PLEKHH2: variants seen among roughly 807,000 people sequenced by gnomAD.
PLEKHH2 encodes the protein pleckstrin homology, MyTH4 and FERM domain containing H2, also known as pleckstrin homology domain-containing family H member 2.
In PLEKHH2, 129 loss-of-function variants were observed where a neutral mutation model predicts 187.9. The observed-to-expected ratio is 0.69, with a 90% CI of 0.59 to 0.79. The LOEUF (loss-of-function observed/expected upper bound fraction) is 0.79. Among genes scored for constraint, PLEKHH2 ranks in the 30% least tolerant of loss-of-function variants. PLEKHH2 has a pLI of 0.00. For synonymous variants in PLEKHH2, 686 were observed against 605.6 expected (o/e 1.13, Z -1.95); for missense variants, 2,076 against 1,751.2 (o/e 1.19, Z -3.31).
intron 23 of PLEKHH2, among the ~76,000 whole-genome samples, chr2:43,745,417 G>A (rs938763150): frequency 1.7e-4 from 26 of 152,182 alleles, no homozygotes; most frequent in African/African-American, 6.0e-4. Context: ...CCTAGAGAGG[G>A]AAATGAGTTA....
intron 2 of PLEKHH2, among the ~76,000 whole-genome samples, chr2:43,677,085 G>A (rs1172088518): frequency 4.6e-5 from 7 of 152,074 alleles, no homozygotes; most frequent in African/African-American, 4.8e-5. Flanking sequence ...TAAAAGTATC[G>A]AAACTCTGGC....
chr2:43,709,787 G>A (rs533817987), intron 11 of PLEKHH2, among the ~76,000 whole-genome samples: 9 of 152,302 alleles, frequency 5.9e-5, no homozygotes, highest in African/African-American at 2.2e-4. Flanking sequence ...AGTGAGCCGA[G>A]ATTGTGCCAG....
At chr2:43,674,724 C>A (rs543512826) in intron 2 of PLEKHH2, among the ~76,000 whole-genome samples, 69 of 152,166 alleles carry the variant, frequency 4.5e-4, no homozygotes, top group Non-Finnish European at 8.8e-4. Context: ...GTGGGTCATG[C>A]CTGTAATCTC....
chr2:43,720,807 A>C, intron 16 of PLEKHH2, 58 bp downstream of exon 16: 1 of 1,537,438 alleles, frequency 6.5e-7, no homozygotes. Context: ...TAGGGCTTAA[A>C]CTTTTCCTTT....
rs1417235529 is a variant in PLEKHH2, at chr2:43,733,219, C to T, written c.2943+1617C>T. 3.9e-5 allele frequency among the ~76,000 whole-genome samples: 6 copies of T among 151,994 alleles called. No homozygotes were observed. The South Asian group carries it at 1.0e-3, about 26-fold the overall frequency. On this transcript the variant is annotated intron_variant, in intron 19 of 29. Transcript: ENST00000282406. ...CTACTTAAAAAATACAAAAATTAGC[C>T]GAGTGTGATGGCATGCGCCTATAGT... is the stretch of plus-strand genomic sequence containing the variant.
At chr2:43,744,620 C>T (rs767742101) in intron 23 of PLEKHH2, among the ~76,000 whole-genome samples, 5 of 152,130 alleles carry the variant, frequency 3.3e-5, no homozygotes, top group African/African-American at 4.8e-5. Flanking sequence ...GTAATCCAAG[C>T]ACTTTGGGAG....
intron 3 of PLEKHH2, among the ~76,000 whole-genome samples, chr2:43,686,556 C>T (rs1457100451): frequency 1.3e-5 from 2 of 152,192 alleles, no homozygotes; most frequent in Non-Finnish European, 2.9e-5. Flanking sequence ...TATCCATGAC[C>T]TTGTAATGGA....
chr2:43,683,719 C>T (rs1005583951), intron 3 of PLEKHH2, among the ~76,000 whole-genome samples: 1 of 151,764 alleles, frequency 6.6e-6, no homozygotes. Context: ...TTTTTCAAGA[C>T]TACTTCTTGG....
intron 8 of PLEKHH2, 33 bp downstream of exon 8, chr2:43,700,641 G>A: frequency 1.3e-6 from 2 of 1,559,458 alleles, no homozygotes; most frequent in African/African-American, 2.7e-5. Flanking sequence ...CACATACGCA[G>A]TAGTTTTTTT....
At position 43,644,743 on chromosome 2, in the gene PLEKHH2, C is replaced by T. The variant is rs749004780; in HGVS notation, c.70C>T (p.Leu24Phe). Residue 24 changes from leucine (L) to phenylalanine (F), a missense_variant, in exon 2 of 30, where the codon CTC (leucine) becomes TTC (phenylalanine). Transcript: ENST00000282406. ...KERCVALESQLMKFRVQASKI... is the reference protein window; with the variant it reads ...KERCVALESQFMKFRVQASKI... ...ACGATGTGTAGCTCTGGAGTCCCAA[C>T]TCATGAAATTTAGAGTTCAAGCAAG... The T allele has an allele frequency of 6.2e-7, 1 of 1,610,094 alleles. No homozygotes were observed. Among genetic ancestry groups the T allele is most frequent in the Non-Finnish European group, 8.5e-7 (1 of 1,177,222 alleles).
chr2:43,696,336 C>A (rs1669089616), intron 6 of PLEKHH2, among the ~76,000 whole-genome samples: 1 of 151,696 alleles, frequency 6.6e-6, no homozygotes, highest in Non-Finnish European at 1.5e-5. Context: ...AATTAGCTGG[C>A]CATGGTGGCA....
At position 43,700,429 on chromosome 2, in the gene PLEKHH2, CT is replaced by C; in HGVS notation, c.1472del (p.Leu491GlnfsTer10). Reference sequence around the variant, plus strand: ...GAGACCTCAGGAAACTGATCTTGATCTAGTTGATGGAGACAGTACAGAAGTT... The same window carrying C: ...GAGACCTCAGGAAACTGATCTTGATCAGTTGATGGAGACAGTACAGAAGTT... ...PLRPQETDLDLVDGDSTEVLE... is the reference protein window; with the variant it reads ...PLRPQETDLDXVDGDSTEVLE... On this transcript the variant is annotated frameshift_variant, in exon 8 of 30. Coordinates refer to ENST00000282406, the MANE Select transcript of PLEKHH2 (RefSeq NM_172069.4). LOFTEE classifies it high-confidence loss of function. The C allele has an allele frequency of 6.2e-7, 1 of 1,613,930 alleles. No homozygotes were observed. The highest frequency in any genetic ancestry group is 8.5e-7 in the Non-Finnish European group (1 of 1,179,940).
intron 9 of PLEKHH2, among the ~76,000 whole-genome samples, chr2:43,705,288 CTCTGTCACCCAGGTGGGAGTG>C (rs1184498007): frequency 8.7e-6 from 1 of 115,252 alleles, no homozygotes; most frequent in Non-Finnish European, 1.7e-5. Flanking sequence ...CAGCGTCTTA[CTCTGTCACCCAGGTGGGAGTG>C]GAGTGGTGTG....
chr2:43,690,656 C>G (rs1235294376), intron 3 of PLEKHH2, among the ~76,000 whole-genome samples: 1 of 152,098 alleles, frequency 6.6e-6, no homozygotes, highest in Non-Finnish European at 1.5e-5. Context: ...TATTTTTTCT[C>G]TTTGCCTCTA....
At chr2:43,695,065 T>C (rs1294224799) in intron 5 of PLEKHH2, 78 bp from the exon 6 acceptor site, 2 of 728,124 alleles carry the variant, frequency 2.7e-6, no homozygotes, top group Non-Finnish European at 4.1e-6. Flanking sequence ...AATATTAACA[T>C]TTTCTAATAT....
chr2:43,677,582 T>G (rs897642347), intron 2 of PLEKHH2, among the ~76,000 whole-genome samples: 3 of 151,398 alleles, frequency 2.0e-5, no homozygotes, highest in African/African-American at 7.3e-5. Context: ...AAATGAAAAG[T>G]CTCCCATGTC....
In PLEKHH2 at chr2:43,726,262, T is replaced by G; in HGVS notation, c.2542-10T>G. ...AATGCCTTCCTCACAATTACTAATA[T>G]TTACTTTAGTTTCCTTTAGGTCAGA... On this transcript the variant is annotated splice_polypyrimidine_tract_variant and intron_variant, in intron 16 of 29. Coordinates refer to ENST00000282406, the MANE Select transcript of PLEKHH2 (RefSeq NM_172069.4). 1.9e-6 allele frequency: 3 copies of G among 1,577,092 alleles called. No homozygotes were observed. The highest frequency in any genetic ancestry group is 2.6e-6 in the Non-Finnish European group (3 of 1,150,998).
At chr2:43,656,003 G>A (rs1666740483) in intron 2 of PLEKHH2, among the ~76,000 whole-genome samples, 1 of 150,670 alleles carries the variant, frequency 6.6e-6, no homozygotes, top group Non-Finnish European at 1.5e-5. Context: ...GTATTGCCCA[G>A]GCTGGAGTGC....
chr2:43,767,801 A>T lies in PLEKHH2; in HGVS notation c.*2203A>T, dbSNP rs1672673863. On this transcript the variant is annotated 3_prime_UTR_variant, in exon 30 of 30. Transcript: ENST00000282406. The stretch of plus-strand genomic sequence containing the variant: ...AGCAGAGATAAAATATTTTGATGGA[A>T]GGAAATCAATTTTCTGTAACTGATG... The T allele has an allele frequency of 6.5e-6, 1 of 152,812 alleles. No homozygotes were observed. The highest frequency in any genetic ancestry group is 1.5e-5 in the Non-Finnish European group (1 of 68,048). The allele number at this position is 152,812 out of a possible 1,614,324, so 9.5% of individuals were successfully genotyped here.
Sources: allele counts gnomAD v4.1 joint callset (sites outside exome capture counted in the v4.1 genomes callset), GRCh38; gene constraint gnomAD v4.1.1; transcripts MANE v1.5; gene names NCBI Gene and HGNC (gene_info 2026-07-23, HGNC 2026-07-21).